The following IGSF9B variants were observed in gnomAD, a reference collection of about 807,000 sequenced individuals.
The protein encoded by IGSF9B is protein turtle homolog B.
IGSF9B carries 48 observed loss-of-function variants against 143.7 expected under a neutral mutation model. That is an observed-to-expected ratio of 0.33 (90% CI 0.26 to 0.42). IGSF9B has a LOEUF of 0.42. IGSF9B is among the 20% of genes least tolerant of loss of function. IGSF9B has a pLI of 1.00. For synonymous variants in IGSF9B, 903 were observed against 833.1 expected (o/e 1.08, Z -1.44); for missense variants, 1,706 against 1,980.0 (o/e 0.86, Z 2.63).
rs951990336 is a variant in IGSF9B, at chr11:133,928,264, C to A, written c.1632-1173G>T. Among the ~76,000 whole-genome samples the A allele has an allele frequency of 6.6e-6, 1 of 152,144 alleles. No individual in the cohort carries two copies. The highest frequency in any genetic ancestry group is 1.5e-5 in the Non-Finnish European group (1 of 68,026). On this transcript the variant is annotated intron_variant, in intron 12 of 19. Coordinates refer to ENST00000533871, the MANE Select transcript of IGSF9B (RefSeq NM_001277285.4). The surrounding 1 kb of genome is among the most constrained non-coding windows in gnomAD (Gnocchi z 4.7). ...GCAGCACCGGTCTCCCAGCAGCCACCGGGCAGGCTGGTTAGGGCCCCCACG... is the reference window on the plus strand; with the variant it reads ...GCAGCACCGGTCTCCCAGCAGCCACAGGGCAGGCTGGTTAGGGCCCCCACG...
intron 18 of IGSF9B, among the ~76,000 whole-genome samples, chr11:133,915,409 T>G (rs1340502242): frequency 6.6e-6 from 1 of 151,620 alleles, no homozygotes; most frequent in African/African-American, 2.4e-5. Context: ...GCTGGGACTA[T>G]AGGCATGTGC....
chr11:133,938,030 T>C, intron 3 of IGSF9B, 69 bp from the exon 4 acceptor site: 1 of 1,517,648 alleles, frequency 6.6e-7, no homozygotes, highest in Non-Finnish European at 9.1e-7. Flanking sequence ...CAACAGTACC[T>C]GCCCCACACA....
chr11:133,949,746 A>T (rs1232952648), intron 1 of IGSF9B, among the ~76,000 whole-genome samples: 1 of 147,714 alleles, frequency 6.8e-6, no homozygotes, highest in Non-Finnish European at 1.5e-5. Flanking sequence ...GGGAGTGGGG[A>T]GGAAGGGGAG....
rs1249765780 is a variant in IGSF9B, at chr11:133,907,056, G to A, written c.*2013C>T. The stretch of plus-strand genomic sequence containing the variant: ...GCCCAGTGGTCAAGTGGATTCCAAC[G>A]CCCCAGAGAAGCACATCAACTGGAA... On this transcript the variant is annotated 3_prime_UTR_variant, in exon 20 of 20. Transcript: ENST00000533871. Among the ~76,000 whole-genome samples the A allele has an allele frequency of 2.0e-5, 3 of 152,098 alleles. No individual in the cohort carries two copies. The highest frequency in any genetic ancestry group is 6.5e-5 in the Admixed American group (1 of 15,272).
intron 18 of IGSF9B, 173 bp from the exon 19 acceptor site, chr11:133,912,180 G>C (rs199881099): frequency 1.2e-6 from 1 of 814,920 alleles, no homozygotes; most frequent in African/African-American, 1.7e-5. Flanking sequence ...CTCCTGGAAA[G>C]AAGAAAACCC....
chr11:133,911,214 C>T (rs513582), intron 19 of IGSF9B, among the ~76,000 whole-genome samples: 73,784 of 152,006 alleles, frequency 0.49, 18,842 homozygotes, highest in Middle Eastern at 0.71. Context: ...TTTTCTAGTC[C>T]TTAAGAGGGC....
chr11:133,917,157 G>A (rs964430667), intron 18 of IGSF9B, among the ~76,000 whole-genome samples: 14 of 152,306 alleles, frequency 9.2e-5, no homozygotes, highest in Middle Eastern at 3.4e-3. Context: ...GCACCTGGAC[G>A]GGAGGCTCGC....
In IGSF9B at chr11:133,919,630, A is replaced by G. The variant is rs1323983653; in HGVS notation, c.3983+112T>C. The G allele has an allele frequency of 5.7e-6, 4 of 698,628 alleles. No individual in the cohort carries two copies. In the East Asian group the frequency reaches 1.3e-4, roughly 23 times the overall value. 43.3% of individuals were successfully genotyped at this position (698,628 alleles called of 1,614,324 possible). A position where few individuals can be genotyped will look rare whatever the true frequency, so the allele number is the denominator to read the frequency against. Reference sequence around the variant, plus strand: ...CCTCTCCGAGGGACGCCGGTGCGGCATGTCCGCACGAGCCCTGTCGCCGGG... The same window carrying G: ...CCTCTCCGAGGGACGCCGGTGCGGCGTGTCCGCACGAGCCCTGTCGCCGGG... On this transcript the variant is annotated intron_variant, in intron 18 of 19. Coordinates refer to ENST00000533871, the MANE Select transcript of IGSF9B (RefSeq NM_001277285.4).
At chr11:133,923,600 AC>A (rs1939578556) in intron 15 of IGSF9B, among the ~76,000 whole-genome samples, 2 of 152,260 alleles carry the variant, frequency 1.3e-5, no homozygotes, top group Non-Finnish European at 2.9e-5. Context: ...ATAGATTGTA[AC>A]GTATTTGGCC....
chr11:133,919,580 C>G (rs938932586), intron 18 of IGSF9B, among the ~76,000 whole-genome samples, 162 bp downstream of exon 18: 1 of 152,216 alleles, frequency 6.6e-6, no homozygotes, highest in African/African-American at 2.4e-5. Flanking sequence ...GACTGCACCC[C>G]GCCCAAACCG....
chr11:133,951,438 C>T (rs1290779368), intron 1 of IGSF9B, among the ~76,000 whole-genome samples: 1 of 152,246 alleles, frequency 6.6e-6, no homozygotes. Context: ...GAGAGAGAGG[C>T]ACTGGGGAGG....
rs1254407187 is a variant in IGSF9B at position 133,911,993 on chromosome 11, G to A, written c.3998C>T (p.Ala1333Val). The A allele has an allele frequency of 2.6e-6, 4 of 1,529,210 alleles. No homozygotes were observed. Among genetic ancestry groups the A allele is most frequent in the South Asian group, 1.2e-5 (1 of 82,816 alleles). 94.7% of individuals were successfully genotyped at this position (1,529,210 alleles called of 1,614,324 possible). The change falls in exon 19 of 20, where the codon GCA becomes GTA. Residue 1333 changes from alanine to valine, a missense_variant. Physicochemically the swap from Ala to Val is moderately conservative, Grantham distance 64. Around this residue, in one of 7 missense-constraint regions of IGSF9B, gnomAD observed 880 missense variants for 762.9 expected, o/e 1.15. Coordinates refer to ENST00000533871, the MANE Select transcript of IGSF9B (RefSeq NM_001277285.4). Reference protein sequence around the residue: ...TLPTSGTLPPAPGNAAAPERL... With the variant: ...TLPTSGTLPPVPGNAAAPERL... ...CTCAGGCGCAGCAGCGTTCCCGGGTGCAGGTGGAAGTGTTCTGGAAAGGAC... is the reference window on the plus strand; with the variant it reads ...CTCAGGCGCAGCAGCGTTCCCGGGTACAGGTGGAAGTGTTCTGGAAAGGAC...
chr11:133,944,272 G>A lies in IGSF9B; in HGVS notation c.357C>T (p.Asp119=), dbSNP rs1165993794. 2.5e-6 allele frequency: 4 copies of A among 1,613,790 alleles called. No homozygotes were observed. Among genetic ancestry groups the A allele is most frequent in the Admixed American group, 1.7e-5 (1 of 60,004 alleles). Reference sequence around the variant, plus strand: ...CATTGTGGAAGGTGTCATACTGCTGGTCCAGCATGAGCACTTTGCACTCAT... The same window carrying A: ...CATTGTGGAAGGTGTCATACTGCTGATCCAGCATGAGCACTTTGCACTCAT... The part of the protein sequence containing the change: ...GWYECKVLML[D]QQYDTFHNGS... Residue 119 remains aspartate, a synonymous_variant, in exon 3 of 20, where the codon GAC becomes GAT. Transcript: ENST00000533871.
At chr11:133,924,680 A>G in intron 15 of IGSF9B, 140 bp downstream of exon 15, 1 of 679,926 alleles carries the variant, frequency 1.5e-6, no homozygotes, top group Non-Finnish European at 2.6e-6. Context: ...AAAGGCTATG[A>G]CTCACGCAGC....
In IGSF9B at chr11:133,902,570, A is replaced by ACACACACACACACCCCC. The variant is rs1378496699; in HGVS notation, c.*6498_*6499insGGGGGTGTGTGTGTGTG. 1.1e-4 allele frequency among the ~76,000 whole-genome samples: 4 copies of ACACACACACACACCCCC among 37,310 alleles called. No homozygotes were observed. The highest frequency in any genetic ancestry group is 2.3e-4 in the Non-Finnish European group (3 of 12,978). The allele number at this position is 37,310 out of a possible 152,430, so 24.5% of individuals were successfully genotyped here. A position where few individuals can be genotyped will look rare whatever the true frequency, so the allele number is the denominator to read the frequency against. ...CACACCACATACACACACACACCCC[A>ACACACACACACACCCCC]CACACACACACACACACCCCACTTA... On this transcript the variant is annotated 3_prime_UTR_variant, in exon 20 of 20. Coordinates refer to ENST00000533871, the MANE Select transcript of IGSF9B (RefSeq NM_001277285.4).
In IGSF9B at chr11:133,920,948, G is replaced by C; in HGVS notation, c.2777C>G (p.Pro926Arg). The C allele has an allele frequency of 6.2e-7, 1 of 1,610,808 alleles. No homozygotes were observed. Among genetic ancestry groups the C allele is most frequent in the Non-Finnish European group, 8.5e-7 (1 of 1,178,688 alleles). Residue 926 changes from proline to arginine, a missense_variant, in exon 18 of 20, where the codon CCA (proline) becomes CGA (arginine). Transcript: ENST00000533871. ...GGGCTGGAACCGAGGGCTGTATGCT[G>C]GTGGTGGCAGGTAGGACTCCTGGCT... The part of the protein sequence containing the change: ...SSSQESYLPP[P>R]AYSPRFQPRG...
chr11:133,946,071 AGGGTCCACGTGCGGC>A lies in IGSF9B; in HGVS notation c.237_251del (p.Pro80_Pro84del). ...GTGCCCAGACCTTACCTGCATACTCAGGGTCCACGTGCGGCGGGTAGTAGCCAAACTTGATGAAGA... is the reference window on the plus strand; with the variant it reads ...GTGCCCAGACCTTACCTGCATACTCAGGGTAGTAGCCAAACTTGATGAAGA... On this transcript the variant is annotated inframe_deletion, in exon 2 of 20. Transcript: ENST00000533871. The A allele has an allele frequency of 6.3e-7, 1 of 1,578,808 alleles. No homozygotes were observed. Among genetic ancestry groups the A allele is most frequent in the Non-Finnish European group, 8.6e-7 (1 of 1,161,062 alleles).
At position 133,928,056 on chromosome 11, in the gene IGSF9B, C is replaced by T. The variant is rs527275435; in HGVS notation, c.1632-965G>A. Among the ~76,000 whole-genome samples the T allele has an allele frequency of 4.5e-4, 68 of 152,304 alleles. No homozygotes were observed. Among genetic ancestry groups the T allele is most frequent in the African/African-American group, 1.5e-3 (62 of 41,574 alleles). On this transcript the variant is annotated intron_variant, in intron 12 of 19. Transcript: ENST00000533871. This position sits in a 1 kb window ranked among gnomAD's most constrained non-coding sequence, Gnocchi z 4.7. ...CAGGCAACAAAGCAGCGAGGAGCCA[C>T]GTGTGGAAAAGCAGTGCAGATGAGC... is the stretch of plus-strand genomic sequence containing the variant.
chr11:133,901,840 A>ACACCACACACG lies in IGSF9B; in HGVS notation c.*7218_*7228dup, dbSNP rs764402917. On this transcript the variant is annotated 3_prime_UTR_variant, in exon 20 of 20. Transcript: ENST00000533871. ...CCACACCACACACACAAACACACAC[A>ACACCACACACG]CACCACACACGCACCACACACGCAC... Among the ~76,000 whole-genome samples, 110 of 147,848 alleles carry ACACCACACACG rather than the reference A, an allele frequency of 7.4e-4. 1 individual carries two copies. The highest frequency in any genetic ancestry group is 2.5e-3 in the African/African-American group (101 of 40,144).
Sources: gnomAD v4.1 joint callset for allele counts (sites outside exome capture counted in the v4.1 genomes callset) on GRCh38, gnomAD v4.1.1 for gene constraint, gnomAD v4.1.1 regional missense constraint, Gnocchi (gnomAD v3.1) non-coding constraint, MANE v1.5 for transcripts, NCBI Gene and HGNC (gene_info 2026-07-23, HGNC 2026-07-21) for gene names.